Variants in GALNT13 observed in about 807,000 individuals in gnomAD.
GALNT13 encodes polypeptide N-acetylgalactosaminyltransferase 13, also known as UDP-GalNAc:polypeptide N-acetylgalactosaminyltransferase 13.
Under a neutral mutation model 64.2 loss-of-function variants are expected in GALNT13, and 28 were observed. The observed-to-expected ratio is 0.44, with a 90% CI of 0.32 to 0.60. GALNT13 has a LOEUF of 0.60. GALNT13 is among the 20% of genes least tolerant of loss of function. The pLI is 0.05. For missense variants in GALNT13, 577 were observed against 669.8 expected, an observed-to-expected ratio of 0.86 and a Z score of 1.53; for synonymous variants, 214 against 224.6, an observed-to-expected ratio of 0.95 and a Z score of 0.42.
chr2:153,502,680 T>A, the GALNT13 span, among the ~76,000 whole-genome samples: 3 of 152,252 alleles, frequency 2.0e-5, no homozygotes, highest in Admixed American at 6.5e-5. Context: ...TTTCCATAGT[T>A]GTACTAGGTT....
the GALNT13 span, chr2:153,478,217 C>A: frequency 1.9e-6 from 3 of 1,593,044 alleles, no homozygotes; most frequent in Non-Finnish European, 2.6e-6. Flanking sequence ...GAGCGGTTGC[C>A]GCGGGGGCAG....
At chr2:154,392,522 A>G (rs1698843714) in intron 9 of GALNT13, among the ~76,000 whole-genome samples, 1 of 152,172 alleles carries the variant, frequency 6.6e-6, no homozygotes, top group African/African-American at 2.4e-5. Flanking sequence ...AATTTTCTCA[A>G]GTTTCAAGAC....
the GALNT13 span, among the ~76,000 whole-genome samples, chr2:153,219,554 C>A: frequency 6.6e-6 from 1 of 152,190 alleles, no homozygotes; most frequent in Non-Finnish European, 1.5e-5. Flanking sequence ...TAAATAAGTA[C>A]CAATTTTCCA....
chr2:153,403,804 A>T, the GALNT13 span, among the ~76,000 whole-genome samples: 1 of 152,018 alleles, frequency 6.6e-6, no homozygotes, highest in Admixed American at 6.5e-5. Flanking sequence ...CGGTGTGCTC[A>T]CCCACTGACC....
At chr2:154,083,679 C>T (rs1318348177) in intron 3 of GALNT13, among the ~76,000 whole-genome samples, 1 of 151,334 alleles carries the variant, frequency 6.6e-6, no homozygotes, top group African/African-American at 2.4e-5. Flanking sequence ...TGGCAACTCA[C>T]CTTTTTATGA....
the GALNT13 span, among the ~76,000 whole-genome samples, chr2:153,583,307 A>T: frequency 1.3e-5 from 2 of 152,230 alleles, no homozygotes; most frequent in Admixed American, 1.3e-4. Flanking sequence ...ACAATTGTTT[A>T]TTACTGAAGG....
intron 9 of GALNT13, among the ~76,000 whole-genome samples, chr2:154,348,440 T>G (rs757243277): frequency 1.8e-4 from 27 of 152,192 alleles, no homozygotes; most frequent in Non-Finnish European, 3.5e-4. Flanking sequence ...TTGGTTGGTT[T>G]TAAGTATACT....
intron 4 of GALNT13, among the ~76,000 whole-genome samples, chr2:154,191,697 G>A (rs932128651): frequency 6.6e-6 from 1 of 152,076 alleles, no homozygotes; most frequent in African/African-American, 2.4e-5. Flanking sequence ...GGTGTGGCTC[G>A]CTTCTTCGGT....
At chr2:153,966,219 C>CTTT (rs761961683) in intron 3 of GALNT13, among the ~76,000 whole-genome samples, 40 of 120,110 alleles carry the variant, frequency 3.3e-4, no homozygotes, top group African/African-American at 1.2e-3. Context: ...GGTTGGATTT[C>CTTT]TTTTTTTTTT....
chr2:153,304,899 C>T, the GALNT13 span, among the ~76,000 whole-genome samples: 1 of 152,060 alleles, frequency 6.6e-6, no homozygotes, highest in African/African-American at 2.4e-5. Flanking sequence ...ATAGAAGGCA[C>T]ATTAGAGGGA....
At chr2:153,214,973 C>T in the GALNT13 span, among the ~76,000 whole-genome samples, 2 of 152,038 alleles carry the variant, frequency 1.3e-5, no homozygotes, top group East Asian at 3.9e-4. Flanking sequence ...GTAGTGTTTA[C>T]ACATTAGAAT....
intron 3 of GALNT13, among the ~76,000 whole-genome samples, chr2:154,053,193 C>A (rs181945053): frequency 1.3e-5 from 2 of 152,138 alleles, no homozygotes; most frequent in East Asian, 1.9e-4. Context: ...AGAAAGAACA[C>A]TGAACTTGGA....
rs981350928 is a variant in GALNT13 at position 154,409,358 on chromosome 2, A to G, written c.1395+276A>G. 1.6e-5 allele frequency: 6 copies of G among 374,364 alleles called. No homozygotes were observed. In the South Asian group the frequency reaches 1.7e-4, roughly 11 times the overall value. The allele number at this position is 374,364 out of a possible 1,614,324, so 23.2% of individuals were successfully genotyped here. On this transcript the variant is annotated intron_variant, in intron 11 of 12. Transcript: ENST00000392825. ...ATCTCATTTTATCATGTATTAGCAA[A>G]TGAGAGGAGTACATTTTATTCTATT...
intron 3 of GALNT13, among the ~76,000 whole-genome samples, chr2:154,126,189 T>A (rs549400630): frequency 6.7e-4 from 102 of 152,304 alleles, no homozygotes; most frequent in African/African-American, 2.3e-3. Flanking sequence ...CTTTTGGAAT[T>A]ATCATAAATG....
At chr2:153,553,317 G>A in the GALNT13 span, among the ~76,000 whole-genome samples, 3,614 of 151,934 alleles carry the variant, frequency 0.024, 141 homozygotes, top group African/African-American at 0.081. Context: ...TGGGCAACAT[G>A]GTGAAACTCC....
chr2:153,589,266 G>A, the GALNT13 span, among the ~76,000 whole-genome samples: 5 of 152,214 alleles, frequency 3.3e-5, no homozygotes, highest in Non-Finnish European at 5.9e-5. Context: ...CATGAACAGA[G>A]TTACCTTTGC....
At chr2:153,370,175 A>G in the GALNT13 span, among the ~76,000 whole-genome samples, 1 of 152,204 alleles carries the variant, frequency 6.6e-6, no homozygotes, top group African/African-American at 2.4e-5. Flanking sequence ...TTGTATATCT[A>G]TTTATAAAAT....
chr2:154,167,636 G>A (rs1685106932), intron 4 of GALNT13, among the ~76,000 whole-genome samples: 1 of 152,196 alleles, frequency 6.6e-6, no homozygotes, highest in South Asian at 2.1e-4. Context: ...TGAACACAGA[G>A]GGAGGGCAAT....
the GALNT13 span, among the ~76,000 whole-genome samples, chr2:153,570,055 C>T: frequency 6.6e-6 from 1 of 152,148 alleles, no homozygotes; most frequent in African/African-American, 2.4e-5. Flanking sequence ...AATTTACATT[C>T]TTACCAACAG....
Sources: allele counts gnomAD v4.1 joint callset (sites outside exome capture counted in the v4.1 genomes callset), GRCh38; gene constraint gnomAD v4.1.1; transcripts MANE v1.5; gene names NCBI Gene and HGNC (gene_info 2026-07-23, HGNC 2026-07-21).